The following INSYN2B variants were observed in gnomAD, a reference collection of about 807,000 sequenced individuals.
The protein encoded by INSYN2B is protein INSYN2B.
INSYN2B carries 16 observed loss-of-function variants against 41.2 expected under a neutral mutation model. The ratio of observed to expected loss-of-function variants is 0.39; its 90% CI spans 0.26 to 0.59. The LOEUF is 0.59. Among genes scored for constraint, INSYN2B ranks in the 20% least tolerant of loss-of-function variants. INSYN2B has a pLI of 0.57. For synonymous variants in INSYN2B, 245 were observed against 244.4 expected (o/e 1.00, Z -0.02); for missense variants, 608 against 646.4 (o/e 0.94, Z 0.64).
At chr5:169,879,478 A>T (rs947885575) in intron 3 of INSYN2B, among the ~76,000 whole-genome samples, 9 of 152,192 alleles carry the variant, frequency 5.9e-5, no homozygotes, top group Non-Finnish European at 1.2e-4. Flanking sequence ...AGATACAAGG[A>T]TATAGATTCT....
At chr5:169,959,363 C>T (rs187025189) in intron 1 of INSYN2B, among the ~76,000 whole-genome samples, 118 of 150,192 alleles carry the variant, frequency 7.9e-4, no homozygotes, top group African/African-American at 2.7e-3. Context: ...AGAGAGACTC[C>T]GTCTCAAAAG....
chr5:169,942,421 G>A (rs1776278540), intron 1 of INSYN2B, among the ~76,000 whole-genome samples: 3 of 152,190 alleles, frequency 2.0e-5, no homozygotes, highest in Admixed American at 6.5e-5. Flanking sequence ...ATTCATTTCT[G>A]ATTAGCAACA....
intron 1 of INSYN2B, among the ~76,000 whole-genome samples, chr5:169,978,386 T>TGG (rs1561863630): frequency 6.0e-5 from 1 of 16,720 alleles, no homozygotes; most frequent in African/African-American, 2.4e-4. Flanking sequence ...TGTGTGTGTG[T>TGG]GTGTGTGGGG....
intron 1 of INSYN2B, among the ~76,000 whole-genome samples, chr5:169,926,164 T>C (rs1216403708): frequency 1.3e-5 from 2 of 151,748 alleles, no homozygotes; most frequent in African/African-American, 4.8e-5. Context: ...GGAGTAGGAG[T>C]TCCTATAGTC....
chr5:169,889,210 A>G (rs1222653900), intron 1 of INSYN2B, among the ~76,000 whole-genome samples: 1 of 152,250 alleles, frequency 6.6e-6, no homozygotes, highest in Non-Finnish European at 1.5e-5. Flanking sequence ...AAATATTTGC[A>G]TAACTAATTA....
Position 169,865,593 on chromosome 5 carries a change from T to C in INSYN2B, c.1422-1134A>G, listed in dbSNP as rs541207183. On this transcript the variant is annotated intron_variant, in intron 3 of 3. Coordinates refer to ENST00000377365, the MANE Select transcript of INSYN2B (RefSeq NM_001129891.3). The stretch of plus-strand genomic sequence containing the variant: ...TACAGAGGAGTTTTCAGTGCCAAGA[T>C]GCTTATAAGAAAGCTCTTAAGCTTT... Among the ~76,000 whole-genome samples the C allele has an allele frequency of 5.9e-5, 9 of 152,356 alleles. No homozygotes were observed. The South Asian group carries it at 1.7e-3, about 28-fold the overall frequency.
At chr5:169,968,383 A>G (rs920261041) in intron 1 of INSYN2B, among the ~76,000 whole-genome samples, 2 of 152,152 alleles carry the variant, frequency 1.3e-5, no homozygotes, top group Non-Finnish European at 2.9e-5. Context: ...AGTGCTTTCT[A>G]TGTGTCAGGC....
At chr5:169,893,238 GGCT>G (rs148410878) in intron 1 of INSYN2B, among the ~76,000 whole-genome samples, 1 of 151,950 alleles carries the variant, frequency 6.6e-6, no homozygotes, top group Non-Finnish European at 1.5e-5. Flanking sequence ...CAGAGGCATT[GGCT>G]GCTGCTGCTG....
chr5:169,929,085 T>G (rs913089831), intron 1 of INSYN2B, among the ~76,000 whole-genome samples: 1 of 152,176 alleles, frequency 6.6e-6, no homozygotes, highest in African/African-American at 2.4e-5. Flanking sequence ...CCAGGTAGAC[T>G]GAAGTTCTGT....
chr5:169,912,721 TTA>T (rs1381912462), intron 1 of INSYN2B, among the ~76,000 whole-genome samples: 4 of 152,134 alleles, frequency 2.6e-5, no homozygotes, highest in African/African-American at 9.7e-5. Flanking sequence ...GTGGTCCAGC[TTA>T]TTGTCCAATG....
chr5:169,971,187 G>T (rs1294406821), intron 1 of INSYN2B, among the ~76,000 whole-genome samples: 1 of 100,420 alleles, frequency 1.0e-5, no homozygotes, highest in South Asian at 2.5e-4. Context: ...GGAAAGAAAG[G>T]CAAAAAAAAA....
intron 1 of INSYN2B, among the ~76,000 whole-genome samples, 159 bp from the exon 2 acceptor site, chr5:169,884,975 C>T (rs1337149579): frequency 6.6e-6 from 1 of 152,086 alleles, no homozygotes; most frequent in Non-Finnish European, 1.5e-5. Flanking sequence ...GAACCAGGTG[C>T]TTTGTGGGTG....
chr5:169,944,163 G>C (rs1283309742), intron 1 of INSYN2B, among the ~76,000 whole-genome samples: 1 of 152,152 alleles, frequency 6.6e-6, no homozygotes, highest in Non-Finnish European at 1.5e-5. Context: ...AGGCTCAGGG[G>C]CGTGAGCTGC....
At chr5:169,925,391 C>T (rs1335559573) in intron 1 of INSYN2B, among the ~76,000 whole-genome samples, 2 of 151,968 alleles carry the variant, frequency 1.3e-5, no homozygotes, top group Non-Finnish European at 2.9e-5. Context: ...ACCAGCCTGG[C>T]CAACATGGTG....
chr5:169,906,524 G>T lies in INSYN2B; in HGVS notation c.-918-21708C>A, dbSNP rs143836231. On this transcript the variant is annotated intron_variant, in intron 1 of 3. Coordinates refer to ENST00000377365, the MANE Select transcript of INSYN2B (RefSeq NM_001129891.3). The stretch of plus-strand genomic sequence containing the variant: ...ATTTCATTTTATTTGTAGAGACAGG[G>T]TCTCCCTATGTTTCCCAGGCTGGTC... Among the ~76,000 whole-genome samples the T allele has an allele frequency of 3.2e-4, 49 of 152,166 alleles. 2 individuals carry two copies. In the East Asian group the frequency reaches 8.7e-3, roughly 27 times the overall value.
chr5:169,946,911 C>A lies in INSYN2B; in HGVS notation c.-919+33366G>T, dbSNP rs201704541. On this transcript the variant is annotated intron_variant, in intron 1 of 3. Coordinates refer to ENST00000377365, the MANE Select transcript of INSYN2B (RefSeq NM_001129891.3). Reference sequence around the variant, plus strand: ...AGATCTGGGGAGACAGTGTTCCAGGCAGAGGGAAGAGCGTGGGCAAGGCCC... The same window carrying A: ...AGATCTGGGGAGACAGTGTTCCAGGAAGAGGGAAGAGCGTGGGCAAGGCCC... Among the ~76,000 whole-genome samples, 15 of 152,212 alleles carry A rather than the reference C, an allele frequency of 9.9e-5. No individual in the cohort carries two copies. In the East Asian group the frequency reaches 2.3e-3, roughly 24 times the overall value.
At chr5:169,927,151 G>T (rs1039931948) in intron 1 of INSYN2B, among the ~76,000 whole-genome samples, 4 of 152,230 alleles carry the variant, frequency 2.6e-5, no homozygotes, top group African/African-American at 9.6e-5. Flanking sequence ...ATTTGCAAAA[G>T]TTCAAGATGG....
intron 1 of INSYN2B, among the ~76,000 whole-genome samples, chr5:169,939,092 G>C (rs1447345750): frequency 6.6e-6 from 1 of 151,894 alleles, no homozygotes; most frequent in Non-Finnish European, 1.5e-5. Context: ...TTTTAGTAGA[G>C]ACGGGGTTTC....
intron 3 of INSYN2B, chr5:169,875,551 A>G (rs1183478794): frequency 4.1e-6 from 1 of 243,678 alleles, no homozygotes; most frequent in Non-Finnish European, 8.3e-6. Context: ...GGCCGTTGCA[A>G]TTACTATTTC....
Sources: gnomAD v4.1 joint callset for allele counts (sites outside exome capture counted in the v4.1 genomes callset) on GRCh38, gnomAD v4.1.1 for gene constraint, MANE v1.5 for transcripts, NCBI Gene and HGNC (gene_info 2026-07-23, HGNC 2026-07-21) for gene names.